Variants in KLHDC1 observed in about 807,000 individuals in gnomAD.
KLHDC1 encodes kelch domain containing 1, also known as kelch domain-containing protein 1.
A neutral mutation model predicts 68.3 loss-of-function variants in KLHDC1; 53 were observed. That is an observed-to-expected ratio of 0.78 (90% CI 0.62 to 0.98). The LOEUF (loss-of-function observed/expected upper bound fraction) is 0.98. KLHDC1 is among the 50% of genes least tolerant of loss of function. The pLI, the probability that KLHDC1 is intolerant of heterozygous loss-of-function variation, is 0.00. For missense variants in KLHDC1, 470 were observed against 492.3 expected, an observed-to-expected ratio of 0.95 and a Z score of 0.43; for synonymous variants, 148 against 159.0, an observed-to-expected ratio of 0.93 and a Z score of 0.52.
chr14:49,723,044 G>T (rs904270181), intron 4 of KLHDC1, among the ~76,000 whole-genome samples: 1 of 123,514 alleles, frequency 8.1e-6, no homozygotes, highest in Non-Finnish European at 1.6e-5. Context: ...CAGAGATCAC[G>T]CCACTGCACT....
chr14:49,702,852 A>G (rs1887946298), intron 1 of KLHDC1, among the ~76,000 whole-genome samples: 1 of 152,194 alleles, frequency 6.6e-6, no homozygotes, highest in South Asian at 2.1e-4. Flanking sequence ...GACCTCTAGA[A>G]GATTCTTAGC....
At chr14:49,714,428 G>A (rs1226609870) in intron 4 of KLHDC1, among the ~76,000 whole-genome samples, 10 of 151,608 alleles carry the variant, frequency 6.6e-5, no homozygotes, top group East Asian at 2.0e-4. Context: ...AGCCGAGATC[G>A]CGCCATTGCA....
intron 1 of KLHDC1, among the ~76,000 whole-genome samples, chr14:49,697,296 A>G (rs1208031980): frequency 6.6e-6 from 1 of 152,118 alleles, no homozygotes; most frequent in Non-Finnish European, 1.5e-5. Flanking sequence ...AGGGAGAGAG[A>G]GGGGGGAATG....
At chr14:49,720,317 A>G (rs1888493938) in intron 4 of KLHDC1, among the ~76,000 whole-genome samples, 1 of 151,916 alleles carries the variant, frequency 6.6e-6, no homozygotes, top group South Asian at 2.1e-4. Flanking sequence ...TGGGGATCTC[A>G]CTATGTTGCC....
intron 4 of KLHDC1, among the ~76,000 whole-genome samples, chr14:49,719,155 C>T (rs980571350): frequency 3.3e-5 from 5 of 151,938 alleles, no homozygotes; most frequent in African/African-American, 1.2e-4. Flanking sequence ...TCCTTCTGCC[C>T]TCTGTAAGTT....
chr14:49,742,883 G>C (rs572108695), intron 11 of KLHDC1, among the ~76,000 whole-genome samples: 31 of 151,990 alleles, frequency 2.0e-4, no homozygotes, highest in South Asian at 1.5e-3. Flanking sequence ...TCAGGAGTTT[G>C]AGACCAGCCA....
At chr14:49,693,406 G>T (rs1887627944) in intron 1 of KLHDC1, 116 bp downstream of exon 1, 1 of 635,494 alleles carries the variant, frequency 1.6e-6, no homozygotes, top group African/African-American at 1.9e-5. Context: ...CGCGCCCGGC[G>T]CCTGCAGCCC....
chr14:49,726,486 G>T (rs755168916), intron 6 of KLHDC1, among the ~76,000 whole-genome samples: 9 of 152,136 alleles, frequency 5.9e-5, no homozygotes, highest in Non-Finnish European at 8.8e-5. Flanking sequence ...TTAATGAGGT[G>T]CCATCGTCAT....
chr14:49,712,997 T>C (rs1395222324), intron 4 of KLHDC1, among the ~76,000 whole-genome samples: 1 of 147,698 alleles, frequency 6.8e-6, no homozygotes, highest in African/African-American at 2.5e-5. Flanking sequence ...TCACCCAGCC[T>C]GGAATGCAGT....
intron 7 of KLHDC1, 138 bp downstream of exon 7, chr14:49,729,147 C>T: frequency 4.7e-6 from 3 of 640,410 alleles, no homozygotes; most frequent in Non-Finnish European, 8.3e-6. Flanking sequence ...TATTTATCTT[C>T]TAATTCATAA....
intron 11 of KLHDC1, among the ~76,000 whole-genome samples, chr14:49,740,532 G>A (rs1179309492): frequency 7.9e-5 from 12 of 151,984 alleles, no homozygotes; most frequent in Admixed American, 7.9e-4. Flanking sequence ...AGAGAGACGG[G>A]GTTTCACCGT....
At chr14:49,747,623 C>G (rs1354523180) in intron 12 of KLHDC1, among the ~76,000 whole-genome samples, 1 of 151,938 alleles carries the variant, frequency 6.6e-6, no homozygotes, top group Admixed American at 6.6e-5. Context: ...TTGAGAAGTT[C>G]TAGTTGATAG....
At chr14:49,744,762 C>T (rs938131481) in intron 12 of KLHDC1, among the ~76,000 whole-genome samples, 10 of 152,108 alleles carry the variant, frequency 6.6e-5, no homozygotes, top group African/African-American at 2.4e-4. Flanking sequence ...ATGCAACTGT[C>T]ATAAGCCTAA....
chr14:49,694,943 T>G (rs1244708089), intron 1 of KLHDC1, among the ~76,000 whole-genome samples: 7 of 152,228 alleles, frequency 4.6e-5, no homozygotes, highest in Admixed American at 4.6e-4. Context: ...GCGAGTTGTA[T>G]TCTTTTTGCT....
chr14:49,749,132 T>A (rs886607063), intron 12 of KLHDC1, among the ~76,000 whole-genome samples: 3 of 152,128 alleles, frequency 2.0e-5, no homozygotes, highest in African/African-American at 7.2e-5. Flanking sequence ...ATTTATATAA[T>A]GATCAATATA....
intron 1 of KLHDC1, among the ~76,000 whole-genome samples, chr14:49,704,594 C>G (rs372088192): frequency 6.6e-6 from 1 of 151,844 alleles, no homozygotes; most frequent in African/African-American, 2.4e-5. Flanking sequence ...CAGAGTTTCA[C>G]CATGTTGGCT....
chr14:49,735,620 T>TA (rs1263107322), intron 10 of KLHDC1, among the ~76,000 whole-genome samples: 6 of 152,248 alleles, frequency 3.9e-5, no homozygotes, highest in Admixed American at 2.6e-4. Flanking sequence ...TTTTTTTTTT[T>TA]AATGTAAAGA....
chr14:49,747,543 C>T (rs1889229994), intron 12 of KLHDC1, among the ~76,000 whole-genome samples: 1 of 152,120 alleles, frequency 6.6e-6, no homozygotes, highest in African/African-American at 2.4e-5. Flanking sequence ...GGATTCTTTT[C>T]TTTAAAATAG....
intron 1 of KLHDC1, among the ~76,000 whole-genome samples, chr14:49,705,031 T>C (rs1349250393): frequency 6.6e-6 from 1 of 152,148 alleles, no homozygotes; most frequent in Non-Finnish European, 1.5e-5. Context: ...GGGCCTCTAA[T>C]AGGGGACCTT....
Sources: gnomAD v4.1 joint callset for allele counts (sites outside exome capture counted in the v4.1 genomes callset) on GRCh38, gnomAD v4.1.1 for gene constraint, MANE v1.5 for transcripts, NCBI Gene and HGNC (gene_info 2026-07-23, HGNC 2026-07-21) for gene names.